The following PLEC variants were observed in gnomAD, a reference collection of about 807,000 sequenced individuals.
The protein encoded by PLEC is hemidesmosomal protein 1.
In PLEC, 216 loss-of-function variants were observed where a neutral mutation model predicts 392.8. The observed-to-expected ratio is 0.55, with a 90% CI of 0.49 to 0.62. PLEC has a LOEUF of 0.62. Among genes scored for constraint, PLEC ranks in the 20% least tolerant of loss-of-function variants. PLEC has a pLI of 0.00. For missense variants in PLEC, 6,863 were observed against 6,563.4 expected (o/e 1.05, Z -1.58); for synonymous variants, 3,621 against 2,980.6 (o/e 1.21, Z -7.00).
At chr8:143,945,233 C>T (rs372639714) in intron 1 of PLEC, 34 of 490,192 alleles carry the variant, frequency 6.9e-5, no homozygotes, top group South Asian at 2.9e-4. Flanking sequence ...CCAGGCAGCC[C>T]GAAACCAGGG....
At position 143,946,536 on chromosome 8, in the gene PLEC, A is replaced by G. The variant is rs1587334333; in HGVS notation, c.523+3648T>C. 3 of 490,604 alleles carry G rather than the reference A, an allele frequency of 6.1e-6. No homozygotes were observed. In the East Asian group the frequency reaches 2.3e-4, roughly 38 times the overall value. 30.4% of individuals were successfully genotyped at this position (490,604 alleles called of 1,614,324 possible). The stretch of plus-strand genomic sequence containing the variant: ...CCTCGCAGCCACCCCTTAGTCAGTA[A>G]GCAGAGATGAAGCCCAGCCGACTGA... On this transcript the variant is annotated intron_variant, in intron 1 of 31. Transcript: ENST00000322810.
chr8:143,922,422 G>A (rs782139453), intron 31 of PLEC, 27 bp from the exon 32 acceptor site: 2 of 1,600,528 alleles, frequency 1.2e-6, no homozygotes, highest in Admixed American at 1.7e-5. Context: ...TGTGATCAGG[G>A]ACCGCCAGCC....
Position 143,923,685 on chromosome 8 carries a change from C to G in PLEC, c.6244G>C (p.Glu2082Gln). The change falls in exon 31 of 32, where the codon GAG becomes CAG. Residue 2082 changes from glutamate (E) to glutamine (Q), a missense_variant. Glu to Gln is a conservative substitution (Grantham distance 29). Coordinates refer to ENST00000345136, the MANE Select transcript of PLEC (RefSeq NM_201384.3). ...GCCGCCCGCCGGGCCGCCTCCGCCT[C>G]GCCGCGCAGCTGGTCCAGCACGCTC... ...EQSVLDQLRG[E>Q]AEAARRAAEE... The G allele has an allele frequency of 6.5e-7, 1 of 1,547,232 alleles. No homozygotes were observed. Among genetic ancestry groups the G allele is most frequent in the Non-Finnish European group, 8.7e-7 (1 of 1,152,590 alleles).
At chr8:143,941,714 A>T (rs370064130), upstream of PLEC, among the ~76,000 whole-genome samples, 10 of 149,432 alleles carry the variant, frequency 6.7e-5, no homozygotes, top group African/African-American at 2.5e-4. Flanking sequence ...CTGACCCTAA[A>T]ACCAACAGAC....
intron 1 of PLEC, among the ~76,000 whole-genome samples, chr8:143,948,332 G>C (rs868948902): frequency 1.2e-4 from 18 of 152,370 alleles, no homozygotes; most frequent in Middle Eastern, 3.4e-3. Context: ...CAGTGGGGAA[G>C]GGCAGGGCAG....
intron 1 of PLEC, among the ~76,000 whole-genome samples, chr8:143,972,422 G>C (rs1454563603): frequency 3.3e-5 from 5 of 152,204 alleles, no homozygotes; most frequent in Admixed American, 3.3e-4. Context: ...AGCCGTCGCT[G>C]GAGGACGCCT....
At chr8:143,939,292 C>A in intron 1 of PLEC, 58 bp downstream of exon 1, 1 of 1,569,116 alleles carries the variant, frequency 6.4e-7, no homozygotes, top group Non-Finnish European at 8.6e-7. Context: ...GGAAGTGGGC[C>A]TTCCTCCCGC....
chr8:143,966,005 C>T (rs1009718366), intron 1 of PLEC, among the ~76,000 whole-genome samples: 5 of 152,124 alleles, frequency 3.3e-5, no homozygotes, highest in Non-Finnish European at 5.9e-5. Context: ...TGCCACCCTG[C>T]TGGACCCACC....
chr8:143,931,648 A>T lies in PLEC; in HGVS notation c.2190T>A (p.Asp730Glu). Reference protein sequence around the residue: ...ENAAYFQFFSDVREAEGQLQK... With the variant: ...ENAAYFQFFSEVREAEGQLQK... ...GCAACTGCCCCTCGGCCTCCCGCAC[A>T]TCTGAGAAGAACTGGGGCAGCGGGA... is the stretch of plus-strand genomic sequence containing the variant. Residue 730 changes from aspartate (D) to glutamate (E), a missense_variant, in exon 19 of 32, where the codon GAT becomes GAA. Physicochemically the swap from Asp to Glu is conservative, Grantham distance 45 (BLOSUM62 2). Coordinates refer to ENST00000345136, the MANE Select transcript of PLEC (RefSeq NM_201384.3). 6.2e-7 allele frequency: 1 copy of T among 1,600,482 alleles called. No homozygotes were observed. Among genetic ancestry groups the T allele is most frequent in the Admixed American group, 1.7e-5 (1 of 58,326 alleles).
At position 143,921,539 on chromosome 8, in the gene PLEC, G is replaced by A; in HGVS notation, c.8282C>T (p.Pro2761Leu). The change falls in exon 32 of 32, where the codon CCC becomes CTC. Residue 2761 changes from proline (P) to leucine (L), a missense_variant. Physicochemically the swap from Pro to Leu is moderately conservative, Grantham distance 98. Coordinates refer to ENST00000345136, the MANE Select transcript of PLEC (RefSeq NM_201384.3). ...CGACAGCAGCTTGTGGTGCAGCTCG[G>A]GGCCCACCACACCCTCCTTCACAGC... ...NEAVKEGVVGPELHHKLLSAE... is the reference protein window; with the variant it reads ...NEAVKEGVVGLELHHKLLSAE... The A allele has an allele frequency of 1.2e-6, 2 of 1,612,784 alleles. No individual in the cohort carries two copies. The highest frequency in any genetic ancestry group is 1.7e-6 in the Non-Finnish European group (2 of 1,179,722).
At position 143,925,265 on chromosome 8, in the gene PLEC, G is replaced by A. The variant is rs781870824; in HGVS notation, c.4664C>T (p.Ala1555Val). The change falls in exon 31 of 32, where the codon GCC becomes GTC. Residue 1555 changes from alanine to valine, a missense_variant. By Grantham distance (64) the Ala-to-Val change is moderately conservative. Coordinates refer to ENST00000345136, the MANE Select transcript of PLEC (RefSeq NM_201384.3). ...AEEAERRLRQ[A>V]EVERARQVQV... ...TACCTGCCGCGCTCGCTCCACCTCG[G>A]CCTGCCGCAGGCGCCGCTCCGCCTC... The A allele has an allele frequency of 7.6e-6, 12 of 1,581,012 alleles. No individual in the cohort carries two copies. In the Admixed American group the frequency reaches 1.4e-4, roughly 18 times the overall value.
chr8:143,919,498 C>G lies in PLEC; in HGVS notation c.10323G>C (p.Ser3441=). 6.2e-7 allele frequency: 1 copy of G among 1,612,868 alleles called. No homozygotes were observed. Among genetic ancestry groups the G allele is most frequent in the Non-Finnish European group, 8.5e-7 (1 of 1,179,836 alleles). ...CCTGGAAGAGGGAGATGGTGCTGCC[C>G]GAGTAGGGGTCTCTGTAGCCGGTGA... The part of the protein sequence containing the change: ...KAVTGYRDPY[S]GSTISLFQAM... The change falls in exon 32 of 32, where the codon TCG becomes TCC. Residue 3441 remains serine, a synonymous_variant. Coordinates refer to ENST00000345136, the MANE Select transcript of PLEC (RefSeq NM_201384.3).
upstream of PLEC, among the ~76,000 whole-genome samples, chr8:143,944,328 G>C (rs1167290932): frequency 3.3e-5 from 5 of 152,198 alleles, no homozygotes; most frequent in Non-Finnish European, 2.9e-5. Flanking sequence ...CACCAGAAGA[G>C]GGGCCCGAGC....
rs781946767 is a variant in PLEC, at chr8:143,916,294, G to T, written c.13527C>A (p.Thr4509=). 6.3e-7 allele frequency: 1 copy of T among 1,576,718 alleles called. No individual in the cohort carries two copies. Among genetic ancestry groups the T allele is most frequent in the Non-Finnish European group, 8.6e-7 (1 of 1,161,868 alleles). Reference sequence around the variant, plus strand: ...AGAAGGTCATGGAGAAGCCGGAGCCGGTGGCGTCAAAGCTGCCGCGGCGGG... The same window carrying T: ...AGAAGGTCATGGAGAAGCCGGAGCCTGTGGCGTCAAAGCTGCCGCGGCGGG... The part of the protein sequence containing the change: ...AGSRRGSFDA[T]GSGFSMTFSS... The change falls in exon 32 of 32, where the codon ACC becomes ACA. Residue 4509 remains threonine (T), a synonymous_variant. Coordinates refer to ENST00000345136, the MANE Select transcript of PLEC (RefSeq NM_201384.3).
In PLEC at chr8:143,920,052, T is replaced by C; in HGVS notation, c.9769A>G (p.Ile3257Val). 1 of 1,613,154 alleles carries C rather than the reference T, an allele frequency of 6.2e-7. No individual in the cohort carries two copies. The highest frequency in any genetic ancestry group is 1.1e-5 in the South Asian group (1 of 91,078). ...TCCGCAGTGAAGTACTCAGAGCTGA[T>C]GAGCTCCCACACCGTCACCGTCCTG... ...KGRTVTVWEL[I>V]SSEYFTAEQR... Residue 3257 changes from isoleucine to valine, a missense_variant, in exon 32 of 32, where the codon ATC (isoleucine) becomes GTC (valine). Physicochemically the swap from Ile to Val is conservative, Grantham distance 29. Coordinates refer to ENST00000345136, the MANE Select transcript of PLEC (RefSeq NM_201384.3).
rs781844655 is a variant in PLEC at position 143,924,964 on chromosome 8, C to T, written c.4965G>A (p.Lys1655=). Reference sequence around the variant, plus strand: ...TCTCAGCCTCGGCCTGCGCCAGGCTCTTCTGCTGCGCCACCTCCTCCGCCT... The same window carrying T: ...TCTCAGCCTCGGCCTGCGCCAGGCTTTTCTGCTGCGCCACCTCCTCCGCCT... The part of the protein sequence containing the change: ...RLQAEEVAQQ[K]SLAQAEAEKQ... Residue 1655 remains lysine, a synonymous_variant, in exon 31 of 32, where the codon AAG becomes AAA. Coordinates refer to ENST00000345136, the MANE Select transcript of PLEC (RefSeq NM_201384.3). 5.7e-6 allele frequency: 9 copies of T among 1,580,122 alleles called. No homozygotes were observed. The highest frequency in any genetic ancestry group is 7.7e-6 in the Non-Finnish European group (9 of 1,171,408).
intron 1 of PLEC, among the ~76,000 whole-genome samples, chr8:143,965,444 T>C (rs986250171): frequency 4.1e-5 from 3 of 73,950 alleles, no homozygotes; most frequent in Non-Finnish European, 9.1e-5. Context: ...GGCCTACAGA[T>C]GACCCGGCCC....
upstream of PLEC, chr8:143,973,596 C>G (rs1184934811): frequency 3.2e-6 from 3 of 930,066 alleles, no homozygotes; most frequent in East Asian, 3.4e-4. The surrounding 1 kb of genome is among the most constrained non-coding windows in gnomAD (Gnocchi z 5.6). Context: ...GCCCCCGCAC[C>G]CAGGATGCCC....
chr8:143,950,468 G>C (rs1554735562), exon 1 of PLEC: 1 of 1,606,722 alleles, frequency 6.2e-7, no homozygotes, highest in African/African-American at 1.3e-5. Context: ...GCGGAGGTGG[G>C]CGATGCCTTC....
Sources: gnomAD v4.1 joint callset for allele counts (sites outside exome capture counted in the v4.1 genomes callset) on GRCh38, gnomAD v4.1.1 for gene constraint, Gnocchi (gnomAD v3.1) non-coding constraint, MANE v1.5 for transcripts, NCBI Gene and HGNC (gene_info 2026-07-23, HGNC 2026-07-21) for gene names.